Variants in XKR6 observed in about 807,000 individuals in gnomAD.
XKR6 encodes XK related 6.
XKR6 carries 22 observed loss-of-function variants against 56.7 expected under a neutral mutation model. The observed-to-expected ratio is 0.39, with a 90% CI of 0.28 to 0.55. XKR6 has a LOEUF of 0.55. XKR6 is among the 20% of genes least tolerant of loss of function. The probability of loss-of-function intolerance (pLI) is 0.66; values close to 1 mark genes in which losing one functional copy is unlikely to be tolerated. For missense variants in XKR6, 852 were observed against 889.0 expected, an observed-to-expected ratio of 0.96 and a Z score of 0.53; for synonymous variants, 524 against 387.8, an observed-to-expected ratio of 1.35 and a Z score of -4.13.
intron 1 of XKR6, among the ~76,000 whole-genome samples, chr8:10,957,441 G>C (rs559347267): frequency 2.0e-5 from 3 of 152,308 alleles, no homozygotes; most frequent in Non-Finnish European, 4.4e-5. Context: ...ACAGAGCTCA[G>C]GGAGCCTCTT....
intron 1 of XKR6, among the ~76,000 whole-genome samples, chr8:11,009,163 A>G (rs1419552179): frequency 2.0e-5 from 3 of 151,954 alleles, no homozygotes; most frequent in Admixed American, 2.0e-4. Flanking sequence ...CAATCAATCA[A>G]TCAAGTTCCG....
intron 1 of XKR6, among the ~76,000 whole-genome samples, chr8:11,178,975 T>C (rs1296580186): frequency 6.6e-6 from 1 of 150,888 alleles, no homozygotes; most frequent in Non-Finnish European, 1.5e-5. Flanking sequence ...CCCAAGTAGC[T>C]AGAACTACAG....
At chr8:11,063,321 A>T (rs1369715474) in intron 1 of XKR6, among the ~76,000 whole-genome samples, 1 of 138,486 alleles carries the variant, frequency 7.2e-6, no homozygotes, top group Non-Finnish European at 1.5e-5. Flanking sequence ...AACAAAAAGT[A>T]AAAAAAAAAA....
At chr8:10,967,653 C>T (rs1802266186) in intron 1 of XKR6, among the ~76,000 whole-genome samples, 1 of 152,196 alleles carries the variant, frequency 6.6e-6, no homozygotes, top group Admixed American at 6.5e-5. Flanking sequence ...GAGGGTTGTC[C>T]TGGAGCAGCA....
intron 1 of XKR6, among the ~76,000 whole-genome samples, chr8:11,116,032 A>G (rs775960474): frequency 2.0e-5 from 3 of 152,232 alleles, no homozygotes; most frequent in Non-Finnish European, 2.9e-5. Context: ...ATTGGGAGTC[A>G]TATCTGGGTT....
At chr8:11,089,541 G>T (rs1460277116) in intron 1 of XKR6, among the ~76,000 whole-genome samples, 16 of 152,176 alleles carry the variant, frequency 1.1e-4, no homozygotes, top group Admixed American at 1.0e-3. Flanking sequence ...GGAGGTTGAG[G>T]CAGGAGGATT....
chr8:11,046,119 C>G (rs929912461), intron 1 of XKR6, among the ~76,000 whole-genome samples: 2 of 152,178 alleles, frequency 1.3e-5, no homozygotes, highest in African/African-American at 4.8e-5. Context: ...GGGATTCAGG[C>G]TGGTCACGGT....
At chr8:10,934,902 C>T (rs76104494) in intron 1 of XKR6, among the ~76,000 whole-genome samples, 22,507 of 87,632 alleles carry the variant, frequency 0.26, 3,224 homozygotes, top group Middle Eastern at 0.39. Context: ...ATCAGAATGA[C>T]GCTGGCCTCA....
intron 1 of XKR6, among the ~76,000 whole-genome samples, chr8:11,093,572 G>T (rs984251922): frequency 6.6e-6 from 1 of 152,040 alleles, no homozygotes; most frequent in African/African-American, 2.4e-5. Context: ...TGGCAACATG[G>T]TCCTTTTCTT....
chr8:11,182,633 TG>T (rs774309876), intron 1 of XKR6, among the ~76,000 whole-genome samples: 1 of 152,234 alleles, frequency 6.6e-6, no homozygotes, highest in Non-Finnish European at 1.5e-5. Context: ...AGATTTTGTT[TG>T]TTCGTTCATT....
intron 1 of XKR6, among the ~76,000 whole-genome samples, chr8:10,949,770 A>G (rs1801663539): frequency 6.6e-6 from 1 of 152,208 alleles, no homozygotes; most frequent in African/African-American, 2.4e-5. Context: ...CTCTGCGGGC[A>G]GAGGAGGGAA....
chr8:11,121,751 C>A (rs575021929), intron 1 of XKR6, among the ~76,000 whole-genome samples: 1 of 152,310 alleles, frequency 6.6e-6, no homozygotes, highest in East Asian at 1.9e-4. Context: ...TTTATTGCGG[C>A]ACTATTCACT....
At chr8:11,067,561 C>T (rs192059200) in intron 1 of XKR6, among the ~76,000 whole-genome samples, 4 of 152,310 alleles carry the variant, frequency 2.6e-5, no homozygotes, top group Non-Finnish European at 4.4e-5. Flanking sequence ...ATGGGCCAAG[C>T]GATAATAGAC....
At chr8:11,080,315 T>G (rs567640576) in intron 1 of XKR6, among the ~76,000 whole-genome samples, 1 of 152,152 alleles carries the variant, frequency 6.6e-6, no homozygotes, top group Non-Finnish European at 1.5e-5. Flanking sequence ...CTATAGCCTA[T>G]GCCAAATCAG....
At chr8:11,040,310 C>A (rs140327054) in intron 1 of XKR6, among the ~76,000 whole-genome samples, 2,147 of 150,720 alleles carry the variant, frequency 0.014, 54 homozygotes, top group African/African-American at 0.05. Flanking sequence ...TTGCTTGAGC[C>A]CAGGAATTTG....
chr8:11,180,285 G>C (rs548842921), intron 1 of XKR6, among the ~76,000 whole-genome samples: 1 of 152,220 alleles, frequency 6.6e-6, no homozygotes, highest in Non-Finnish European at 1.5e-5. Flanking sequence ...ATAAAGAATG[G>C]CTGGAACCTG....
chr8:10,967,979 G>C (rs368601055), intron 1 of XKR6, among the ~76,000 whole-genome samples: 3 of 152,152 alleles, frequency 2.0e-5, no homozygotes, highest in Non-Finnish European at 4.4e-5. Flanking sequence ...TGGATACCTC[G>C]GCCCCTCAGC....
chr8:11,096,591 G>A (rs1301781141), intron 1 of XKR6, among the ~76,000 whole-genome samples: 2 of 152,222 alleles, frequency 1.3e-5, no homozygotes, highest in East Asian at 1.9e-4. Context: ...AGTGGCAAAT[G>A]CTTGGAAAAG....
chr8:10,982,762 C>T (rs1797763642), intron 1 of XKR6, among the ~76,000 whole-genome samples: 2 of 152,168 alleles, frequency 1.3e-5, no homozygotes, highest in Non-Finnish European at 2.9e-5. Context: ...CCTTAACCTG[C>T]TGTGGTTGTA....
Sources: allele counts gnomAD v4.1 joint callset (sites outside exome capture counted in the v4.1 genomes callset), GRCh38; gene constraint gnomAD v4.1.1; transcripts MANE v1.5; gene names NCBI Gene and HGNC (gene_info 2026-07-23, HGNC 2026-07-21).